The following SMCO4 variants were observed in gnomAD, a reference collection of about 807,000 sequenced individuals.
SMCO4 encodes the protein single-pass membrane protein with coiled-coil domains 4.
Under a neutral mutation model 3.6 loss-of-function variants are expected in SMCO4, and 4 were observed. That is an observed-to-expected ratio of 1.11 (90% CI 0.54 to 2.53). The LOEUF (loss-of-function observed/expected upper bound fraction) is 2.53. Ranked by LOEUF, SMCO4 falls within the 30% of genes most tolerant of loss-of-function variation. SMCO4 has a pLI of 0.02. For synonymous variants in SMCO4, 36 were observed against 35.3 expected, an observed-to-expected ratio of 1.02 and a Z score of -0.07; for missense variants, 70 against 80.8, an observed-to-expected ratio of 0.87 and a Z score of 0.51.
At chr11:93,491,549 T>C (rs1413535598) in intron 2 of SMCO4, among the ~76,000 whole-genome samples, 1 of 152,334 alleles carries the variant, frequency 6.6e-6, no homozygotes, top group East Asian at 1.9e-4. Context: ...TTTGAGATTA[T>C]GTAACTTGCT....
At chr11:93,539,415 T>C (rs544595876) in intron 1 of SMCO4, among the ~76,000 whole-genome samples, 1 of 152,316 alleles carries the variant, frequency 6.6e-6, no homozygotes, top group African/African-American at 2.4e-5. Flanking sequence ...AAACAGTACA[T>C]TTAGGAAGAA....
chr11:93,534,205 AAT>A (rs1166778661), intron 1 of SMCO4, among the ~76,000 whole-genome samples: 28 of 49,470 alleles, frequency 5.7e-4, no homozygotes, highest in South Asian at 3.9e-3. Flanking sequence ...AAAAAAAAAA[AAT>A]ATATATATAC....
intron 1 of SMCO4, among the ~76,000 whole-genome samples, chr11:93,509,845 G>C (rs1252037165): frequency 6.6e-6 from 1 of 152,132 alleles, no homozygotes; most frequent in East Asian, 1.9e-4. Flanking sequence ...CAGAGTGAGG[G>C]ATAAAAGGAT....
At chr11:93,528,293 A>G (rs1360868761) in intron 1 of SMCO4, among the ~76,000 whole-genome samples, 1 of 152,202 alleles carries the variant, frequency 6.6e-6, no homozygotes, top group Non-Finnish European at 1.5e-5. Flanking sequence ...AACTTCTCAC[A>G]ACATCATCCA....
chr11:93,513,413 A>C (rs1948976772), intron 1 of SMCO4, among the ~76,000 whole-genome samples: 1 of 152,198 alleles, frequency 6.6e-6, no homozygotes. Context: ...TATTTTGTTA[A>C]ATGATGGGGG....
At chr11:93,526,577 A>G (rs1431514798) in intron 1 of SMCO4, among the ~76,000 whole-genome samples, 1 of 152,162 alleles carries the variant, frequency 6.6e-6, no homozygotes, top group Non-Finnish European at 1.5e-5. Flanking sequence ...CAAAAACAAA[A>G]ATGAAATAAA....
At chr11:93,482,629 C>T (rs762111521) in intron 2 of SMCO4, among the ~76,000 whole-genome samples, 2 of 152,154 alleles carry the variant, frequency 1.3e-5, no homozygotes, top group African/African-American at 2.4e-5. Context: ...TCGTGGGGAC[C>T]AAGACAGTCA....
At chr11:93,511,681 T>C (rs1948958463) in intron 1 of SMCO4, among the ~76,000 whole-genome samples, 2 of 152,166 alleles carry the variant, frequency 1.3e-5, no homozygotes, top group South Asian at 4.1e-4. Flanking sequence ...TGCCCTGAGC[T>C]GCTGGGAGAG....
At chr11:93,552,447 T>TATTATC in the SMCO4 span, among the ~76,000 whole-genome samples, 1 of 94,522 alleles carries the variant, frequency 1.1e-5, no homozygotes, top group Admixed American at 9.5e-5. Context: ...GCCACGTTAT[T>TATTATC]ATTATTATTA....
intron 2 of SMCO4, among the ~76,000 whole-genome samples, chr11:93,496,775 T>A (rs1254922138): frequency 6.6e-6 from 1 of 152,224 alleles, no homozygotes; most frequent in Non-Finnish European, 1.5e-5. Flanking sequence ...GGTGCTTGCA[T>A]CATGCCACAA....
intron 1 of SMCO4, among the ~76,000 whole-genome samples, chr11:93,516,203 C>T (rs1257909605): frequency 6.6e-6 from 1 of 152,084 alleles, no homozygotes; most frequent in East Asian, 1.9e-4. Flanking sequence ...AGACCAAGAA[C>T]CATGCTTGGC....
intron 1 of SMCO4, among the ~76,000 whole-genome samples, chr11:93,499,584 G>A (rs1948814930): frequency 6.6e-6 from 1 of 152,198 alleles, no homozygotes; most frequent in Admixed American, 6.5e-5. Flanking sequence ...CCTGCATGGA[G>A]TTAGAGGGGC....
rs566141935 is a variant in SMCO4 at position 93,535,487 on chromosome 11, G to A, written c.-154+7789C>T. ...CGCCGCGATGGTGTTGTTGGAGAGC[G>A]AGCAGCTCCTGACGGAGCTGACCAG... On this transcript the variant is annotated intron_variant, in intron 1 of 2. Coordinates refer to ENST00000298966, the MANE Select transcript of SMCO4 (RefSeq NM_020179.3). The A allele has an allele frequency of 6.3e-4, 884 of 1,401,324 alleles. 1 individual carries two copies. Among genetic ancestry groups the A allele is most frequent in the Non-Finnish European group, 8.2e-4 (821 of 998,836 alleles). The allele number at this position is 1,401,324 out of a possible 1,614,324, so 86.8% of individuals were successfully genotyped here.
the SMCO4 span, among the ~76,000 whole-genome samples, chr11:93,551,920 G>T: frequency 6.6e-6 from 1 of 152,050 alleles, no homozygotes; most frequent in Non-Finnish European, 1.5e-5. Context: ...GAATCCATCT[G>T]GTATCGCTTT....
the SMCO4 span, among the ~76,000 whole-genome samples, chr11:93,552,900 C>A: frequency 1.3e-5 from 2 of 152,224 alleles, no homozygotes; most frequent in African/African-American, 2.4e-5. Context: ...TTATATACAG[C>A]CTGCTGGGTT....
At chr11:93,486,860 A>T (rs1381227153) in intron 2 of SMCO4, among the ~76,000 whole-genome samples, 1 of 152,158 alleles carries the variant, frequency 6.6e-6, no homozygotes, top group Non-Finnish European at 1.5e-5. Context: ...CTCCTTTTCT[A>T]AAGTTTCAAA....
chr11:93,536,142 G>T (rs887735279), intron 1 of SMCO4, among the ~76,000 whole-genome samples: 2 of 152,094 alleles, frequency 1.3e-5, no homozygotes, highest in African/African-American at 2.4e-5. Context: ...AAATGATGAG[G>T]TTTGCAACCT....
At chr11:93,480,424 C>A (rs1948578552) in intron 2 of SMCO4, among the ~76,000 whole-genome samples, 1 of 152,238 alleles carries the variant, frequency 6.6e-6, no homozygotes, top group Non-Finnish European at 1.5e-5. Context: ...CAGCATTCTG[C>A]ATCACCAGCT....
intron 1 of SMCO4, among the ~76,000 whole-genome samples, chr11:93,523,007 A>G (rs1046061591): frequency 6.6e-6 from 1 of 152,322 alleles, no homozygotes. Flanking sequence ...TGGAAACCCC[A>G]AAGATCAAAA....
Sources: allele counts gnomAD v4.1 joint callset (sites outside exome capture counted in the v4.1 genomes callset), GRCh38; gene constraint gnomAD v4.1.1; transcripts MANE v1.5; gene names NCBI Gene and HGNC (gene_info 2026-07-23, HGNC 2026-07-21).